The following HNF4A variants were observed in gnomAD, a reference collection of about 807,000 sequenced individuals.
The protein encoded by HNF4A is hepatocyte nuclear factor 4 alpha.
HNF4A carries 15 observed loss-of-function variants against 52.4 expected under a neutral mutation model. The observed-to-expected ratio is 0.29, with a 90% CI of 0.19 to 0.44. The LOEUF (loss-of-function observed/expected upper bound fraction) is 0.44. HNF4A is among the 20% of genes least tolerant of loss of function. HNF4A has a pLI of 1.00. For synonymous variants in HNF4A, 280 were observed against 264.4 expected (o/e 1.06, Z -0.57); for missense variants, 479 against 647.2 (o/e 0.74, Z 2.82).
Position 44,373,909 on chromosome 20 carries a change from C to T in HNF4A, c.49+18056C>T, listed in dbSNP as rs191193926. Among the ~76,000 whole-genome samples, 799 of 152,148 alleles carry T rather than the reference C, an allele frequency of 5.3e-3. 12 individuals carry two copies. Among genetic ancestry groups the T allele is most frequent in the South Asian group, 0.032 (152 of 4,818 alleles). The stretch of plus-strand genomic sequence containing the variant: ...TTCACCATGTTGGCCAGCCTGATCT[C>T]GAACTCCTGACCTCTGGTGATCCAC... On this transcript the variant is annotated intron_variant, in intron 1 of 9. Transcript: ENST00000316673.
intron 1 of HNF4A, among the ~76,000 whole-genome samples, chr20:44,365,938 T>C (rs1479318957): frequency 6.6e-6 from 1 of 151,828 alleles, no homozygotes; most frequent in East Asian, 1.9e-4. Flanking sequence ...GCCCAAGAGG[T>C]GAAGGTTGCT....
chr20:44,402,314 T>C (rs930871600), intron 1 of HNF4A, among the ~76,000 whole-genome samples: 3 of 152,136 alleles, frequency 2.0e-5, no homozygotes, highest in Non-Finnish European at 4.4e-5. Context: ...ATAGAGCACA[T>C]GCGTTTGTGC....
chr20:44,356,739 G>A (rs1182360108), intron 1 of HNF4A, among the ~76,000 whole-genome samples: 1 of 152,206 alleles, frequency 6.6e-6, no homozygotes, highest in Non-Finnish European at 1.5e-5. Flanking sequence ...TTGGTGACAG[G>A]TTTGTTTCTG....
At position 44,355,778 on chromosome 20, in the gene HNF4A, C is replaced by T. The variant is rs187831343; in HGVS notation, c.-27C>T. On this transcript the variant is annotated 5_prime_UTR_variant, in exon 1 of 10. Transcript: ENST00000316673. ...GCGGGCCCCTGCTCCTCCATGCCCC[C>T]AGCTCTCCGGCTGGGTGGGCTTGGC... 28 of 1,612,562 alleles carry T rather than the reference C, an allele frequency of 1.7e-5. No homozygotes were observed. In the Admixed American group the frequency reaches 3.7e-4, roughly 21 times the overall value.
At chr20:44,363,418 A>G (rs1379931789) in intron 1 of HNF4A, among the ~76,000 whole-genome samples, 2 of 152,138 alleles carry the variant, frequency 1.3e-5, no homozygotes, top group East Asian at 1.9e-4. Flanking sequence ...TGAGTAAGGA[A>G]TAGATAACTG....
At chr20:44,406,037 C>T (rs528117167) in intron 1 of HNF4A, 21 bp from the exon 2 acceptor site, 8 of 1,609,986 alleles carry the variant, frequency 5.0e-6, no homozygotes, top group Admixed American at 3.3e-5. Context: ...TGAAGCCTCA[C>T]TCCCTTCTCT....
intron 1 of HNF4A, among the ~76,000 whole-genome samples, chr20:44,356,989 C>G (rs564523377): frequency 6.6e-6 from 1 of 151,980 alleles, no homozygotes; most frequent in South Asian, 2.1e-4. Flanking sequence ...TGGTGGATGC[C>G]GTGGGGAACA....
chr20:44,402,602 C>A, intron 1 of HNF4A: 1 of 1,365,824 alleles, frequency 7.3e-7, no homozygotes, highest in South Asian at 1.1e-5. Flanking sequence ...CCTCCGACAT[C>A]ACTGGAGCAT....
intron 1 of HNF4A, among the ~76,000 whole-genome samples, chr20:44,385,744 C>T (rs1234588812): frequency 6.6e-6 from 1 of 152,044 alleles, no homozygotes; most frequent in East Asian, 1.9e-4. Context: ...GTTGGGATTA[C>T]AGGCATGAGC....
In HNF4A at chr20:44,424,105, A is replaced by G. The variant is rs1187109848; in HGVS notation, c.980A>G (p.Gln327Arg). The change falls in exon 8 of 10, where the codon CAG (glutamine) becomes CGG (arginine). Residue 327 changes from glutamine (Q) to arginine (R), a missense_variant. By Grantham distance (43) the Gln-to-Arg change is conservative. This residue lies in a region of HNF4A where 389 missense variants were observed against 525.1 expected (regional missense o/e 0.74). Coordinates refer to ENST00000316099, the MANE Select transcript of HNF4A (RefSeq NM_000457.6). Reference sequence around the variant, plus strand: ...TTGGAGGACTACATCAACGACCGCCAGTATGACTCGCGTGGCCGCTTTGGA... The same window carrying G: ...TTGGAGGACTACATCAACGACCGCCGGTATGACTCGCGTGGCCGCTTTGGA... 1.2e-6 allele frequency: 2 copies of G among 1,613,406 alleles called. No homozygotes were observed. Among genetic ancestry groups the G allele is most frequent in the East Asian group, 2.2e-5 (1 of 44,894 alleles).
At chr20:44,405,833 G>A (rs1384064012) in intron 1 of HNF4A, among the ~76,000 whole-genome samples, 3 of 152,132 alleles carry the variant, frequency 2.0e-5, no homozygotes, top group Non-Finnish European at 4.4e-5. Context: ...ACAGGAAGAC[G>A]CAGACCCTCA....
intron 1 of HNF4A, among the ~76,000 whole-genome samples, chr20:44,378,911 C>G (rs1265381246): frequency 1.0e-5 from 1 of 99,648 alleles, no homozygotes; most frequent in African/African-American, 4.9e-5. Context: ...AGAGAGAGAC[C>G]CCGTCTCAAA....
Position 44,419,756 on chromosome 20 carries a change from C to T in HNF4A, c.772C>T (p.Leu258=). 3 of 1,614,178 alleles carry T rather than the reference C, an allele frequency of 1.9e-6. No homozygotes were observed. The highest frequency in any genetic ancestry group is 2.5e-6 in the Non-Finnish European group (3 of 1,180,006). The change falls in exon 7 of 10, where the codon CTG becomes TTG. Residue 258 remains leucine, a synonymous_variant. Coordinates refer to ENST00000316099, the MANE Select transcript of HNF4A (RefSeq NM_000457.6). ...CATTGTCCCTCGGCACTGCCCGGAGCTGGCGGAGATGAGCCGGGTGTCCAT... is the reference window on the plus strand; with the variant it reads ...CATTGTCCCTCGGCACTGCCCGGAGTTGGCGGAGATGAGCCGGGTGTCCAT...
intron 3 of HNF4A, among the ~76,000 whole-genome samples, chr20:44,408,657 G>C (rs548768715): frequency 3.3e-5 from 5 of 152,280 alleles, no homozygotes; most frequent in African/African-American, 1.2e-4. Flanking sequence ...AACCCAAGAG[G>C]AGGCGGTTGC....
chr20:44,366,502 T>A (rs574801798), intron 1 of HNF4A, among the ~76,000 whole-genome samples: 1 of 152,212 alleles, frequency 6.6e-6, no homozygotes, highest in East Asian at 1.9e-4. Flanking sequence ...GCACCTGTAA[T>A]CCCAGCTACT....
chr20:44,410,197 G>A (rs2146392197), intron 3 of HNF4A, among the ~76,000 whole-genome samples: 1 of 152,356 alleles, frequency 6.6e-6, no homozygotes, highest in East Asian at 1.9e-4. Context: ...GAAGGGGGAT[G>A]AGAGCCCCAG....
chr20:44,356,992 G>A (rs932485706), intron 1 of HNF4A, among the ~76,000 whole-genome samples: 9 of 152,036 alleles, frequency 5.9e-5, no homozygotes, highest in Non-Finnish European at 1.3e-4. Context: ...TGGATGCCGT[G>A]GGGAACAAGG....
intron 7 of HNF4A, among the ~76,000 whole-genome samples, chr20:44,423,445 A>C (rs1237724627): frequency 2.0e-5 from 3 of 152,206 alleles, no homozygotes; most frequent in Non-Finnish European, 4.4e-5. Flanking sequence ...GAGATTTGGA[A>C]ACAGGAGGGA....
chr20:44,358,706 A>G (rs1425518584), intron 1 of HNF4A, among the ~76,000 whole-genome samples: 1 of 152,158 alleles, frequency 6.6e-6, no homozygotes, highest in Non-Finnish European at 1.5e-5. Context: ...TCCTAAGATG[A>G]CTATAGTAGA....
Sources: gnomAD v4.1 joint callset for allele counts (sites outside exome capture counted in the v4.1 genomes callset) on GRCh38, gnomAD v4.1.1 for gene constraint, gnomAD v4.1.1 regional missense constraint, MANE v1.5 for transcripts, NCBI Gene and HGNC (gene_info 2026-07-23, HGNC 2026-07-21) for gene names.